The following OR51B5 variants were observed in gnomAD, a reference collection of about 807,000 sequenced individuals.
The protein encoded by OR51B5 is olfactory receptor family 51 subfamily B member 5.
For missense variants in OR51B5, 456 were observed against 374.6 expected (o/e 1.22, Z -1.79); for synonymous variants, 186 against 144.8 (o/e 1.28, Z -2.04).
intron 1 of OR51B5, among the ~76,000 whole-genome samples, chr11:5,496,545 C>T (rs1851652396): frequency 6.6e-6 from 1 of 152,094 alleles, no homozygotes; most frequent in Non-Finnish European, 1.5e-5. Flanking sequence ...GCCAAGAATC[C>T]CCTTCCTAAA....
chr11:5,455,019 T>C (rs918651162), intron 1 of OR51B5: 7 of 152,344 alleles, frequency 4.6e-5, no homozygotes, highest in Non-Finnish European at 7.3e-5. Flanking sequence ...CACTCATACA[T>C]TGCTTTAACT....
chr11:5,376,651 A>G (rs966896039), intron 1 of OR51B5, among the ~76,000 whole-genome samples: 2 of 152,138 alleles, frequency 1.3e-5, no homozygotes, highest in Non-Finnish European at 2.9e-5. Flanking sequence ...CCACAGAAAT[A>G]CAAACTGCCA....
chr11:5,415,007 T>C (rs901689902), intron 1 of OR51B5, among the ~76,000 whole-genome samples: 34 of 152,020 alleles, frequency 2.2e-4, no homozygotes, highest in African/African-American at 7.3e-4. Context: ...TATTCCAAAA[T>C]TGACCACATA....
At chr11:5,497,501 G>A (rs1851667031) in intron 1 of OR51B5, among the ~76,000 whole-genome samples, 1 of 152,214 alleles carries the variant, frequency 6.6e-6, no homozygotes, top group Admixed American at 6.5e-5. Flanking sequence ...CTCTAAGGTT[G>A]ATTGGGACAC....
chr11:5,454,230 G>A lies in OR51B5; in HGVS notation n.84+51339C>T, dbSNP rs377500071. 1.9e-5 allele frequency: 30 copies of A among 1,614,066 alleles called. No homozygotes were observed. Among genetic ancestry groups the A allele is most frequent in the Non-Finnish European group, 2.4e-5 (28 of 1,180,030 alleles). On this transcript the variant is annotated intron_variant and non_coding_transcript_variant, in intron 1 of 4. Transcript: ENST00000415970. ...CACATGTGTGTCACATATCCTGGCT[G>A]TACTTGCATTTTATGTGCCAATGAT...
At chr11:5,428,262 G>T (rs1850478993) in intron 1 of OR51B5, among the ~76,000 whole-genome samples, 2 of 149,718 alleles carry the variant, frequency 1.3e-5, no homozygotes, top group Admixed American at 6.6e-5. Context: ...CCACAATAAA[G>T]TGAATATTGC....
At chr11:5,470,242 G>T (rs1475678366) in intron 1 of OR51B5, among the ~76,000 whole-genome samples, 1 of 152,180 alleles carries the variant, frequency 6.6e-6, no homozygotes, top group Non-Finnish European at 1.5e-5. Context: ...AGCCAAGTGT[G>T]AGTATCAGGA....
intron 1 of OR51B5, chr11:5,354,912 C>T (rs552982526): frequency 1.7e-4 from 30 of 171,674 alleles, no homozygotes; most frequent in African/African-American, 4.6e-4. Context: ...GAGACCTTGA[C>T]GAAGCTGAGT....
chr11:5,361,673 G>A (rs1302872620), intron 1 of OR51B5, among the ~76,000 whole-genome samples: 1 of 152,124 alleles, frequency 6.6e-6, no homozygotes, highest in African/African-American at 2.4e-5. Context: ...TTTAGAACTT[G>A]GCTTCTGAAT....
intron 1 of OR51B5, chr11:5,403,413 C>T (rs752347049): frequency 2.1e-6 from 1 of 471,284 alleles, no homozygotes; most frequent in Non-Finnish European, 4.4e-6. Context: ...TGTGTCCCCT[C>T]TGCTGCAAGC....
At position 5,453,585 on chromosome 11, in the gene OR51B5, G is replaced by A. The variant is rs139674475; in HGVS notation, n.84+51984C>T. 132 of 1,613,272 alleles carry A rather than the reference G, an allele frequency of 8.2e-5. 1 individual carries two copies. The South Asian group carries it at 1.1e-3, about 14-fold the overall frequency. On this transcript the variant is annotated intron_variant and non_coding_transcript_variant, in intron 1 of 4. Coordinates refer to the OR51B5 transcript ENST00000415970. Reference sequence around the variant, plus strand: ...CTCCTGGCTGTCAGGGCCCCTCTGCGTGATGTATGCTGTGGCCCTTGGGGG... The same window carrying A: ...CTCCTGGCTGTCAGGGCCCCTCTGCATGATGTATGCTGTGGCCCTTGGGGG...
chr11:5,346,963 A>ATG (rs1849002128), upstream of OR51B5: 1 of 152,194 alleles, frequency 6.6e-6, no homozygotes, highest in African/African-American at 2.4e-5. Context: ...ACCTTCCCAG[A>ATG]TGTCTCCCTT....
chr11:5,363,995 G>A (rs1564922381), intron 1 of OR51B5, among the ~76,000 whole-genome samples: 1 of 152,146 alleles, frequency 6.6e-6, no homozygotes, highest in Non-Finnish European at 1.5e-5. Context: ...CTGGAGAACA[G>A]GGCTTCACAA....
intron 1 of OR51B5, among the ~76,000 whole-genome samples, chr11:5,407,116 A>G (rs913213402): frequency 7.2e-5 from 11 of 152,164 alleles, no homozygotes; most frequent in Admixed American, 1.3e-4. Context: ...TGCATGGAGA[A>G]TGCCTACCAA....
At chr11:5,490,383 C>G (rs1851563962) in intron 1 of OR51B5, among the ~76,000 whole-genome samples, 1 of 152,094 alleles carries the variant, frequency 6.6e-6, no homozygotes. Flanking sequence ...GATAACAATT[C>G]TATAATATTT....
chr11:5,476,366 A>T (rs769382665), intron 1 of OR51B5, among the ~76,000 whole-genome samples: 4 of 152,200 alleles, frequency 2.6e-5, no homozygotes, highest in Non-Finnish European at 5.9e-5. Context: ...CAACACCAGC[A>T]TTTGAACCTA....
At chr11:5,453,554 C>T in intron 1 of OR51B5, 1 of 1,608,658 alleles carries the variant, frequency 6.2e-7, no homozygotes, top group Non-Finnish European at 8.5e-7. Context: ...GTCTGGAGAG[C>T]TCTCACTCCT....
intron 1 of OR51B5, among the ~76,000 whole-genome samples, chr11:5,459,522 C>A (rs1330015032): frequency 7.7e-6 from 1 of 130,350 alleles, no homozygotes. Flanking sequence ...TTCTTCTGTG[C>A]TAAACAAATC....
intron 1 of OR51B5, among the ~76,000 whole-genome samples, chr11:5,472,479 C>T (rs1295486565): frequency 6.6e-6 from 1 of 152,152 alleles, no homozygotes; most frequent in Non-Finnish European, 1.5e-5. Context: ...CACAGCCCCA[C>T]TGCCAGCCTC....
Sources: gnomAD v4.1 joint callset for allele counts (sites outside exome capture counted in the v4.1 genomes callset) on GRCh38, gnomAD v4.1.1 for gene constraint, MANE v1.5 for transcripts, NCBI Gene and HGNC (gene_info 2026-07-23, HGNC 2026-07-21) for gene names.